The following CHM variants were observed in gnomAD, a reference collection of about 807,000 sequenced individuals.
CHM encodes the protein CHM Rab escort protein.
In CHM, 10 loss-of-function variants were observed where a neutral mutation model predicts 49.0. The observed-to-expected ratio is 0.20, with a 90% CI of 0.13 to 0.35. The LOEUF (loss-of-function observed/expected upper bound fraction) is 0.35. Among genes scored for constraint, CHM ranks in the 10% least tolerant of loss-of-function variants. The probability of loss-of-function intolerance (pLI) is 1.00; values close to 1 mark genes in which losing one functional copy is unlikely to be tolerated. For synonymous variants in CHM, 184 were observed against 167.5 expected (o/e 1.10, Z -0.76); for missense variants, 455 against 478.4 (o/e 0.95, Z 0.46).
At chrX:85,929,524 A>G (rs1928297139) in intron 8 of CHM, among the ~76,000 whole-genome samples, 1 of 111,976 alleles carries the variant, frequency 8.9e-6, no homozygotes, top group Non-Finnish European at 1.9e-5. Context: ...AACATCTTCC[A>G]CAACCAGAGA....
At chrX:85,870,078 GTT>G (rs1351124793) in intron 14 of CHM, among the ~76,000 whole-genome samples, 1 of 111,849 alleles carries the variant, frequency 8.9e-6, no homozygotes, top group African/African-American at 3.3e-5. Context: ...AAAGAGTTGA[GTT>G]TAATTCTTGG....
chrX:85,880,185 T>C (rs1452117205), intron 12 of CHM, among the ~76,000 whole-genome samples: 3 of 111,607 alleles, frequency 2.7e-5, no homozygotes, highest in African/African-American at 9.7e-5. Flanking sequence ...TATGGCCTAA[T>C]AATAGGTCTA....
intron 2 of CHM, among the ~76,000 whole-genome samples, chrX:86,009,545 C>T (rs1242395106): frequency 8.9e-6 from 1 of 112,304 alleles, no homozygotes; most frequent in Non-Finnish European, 1.9e-5. Flanking sequence ...GTTTAATTTT[C>T]ATGGGTCATC....
intron 12 of CHM, among the ~76,000 whole-genome samples, chrX:85,892,662 G>C (rs966716932): frequency 9.0e-6 from 1 of 111,037 alleles, no homozygotes; most frequent in African/African-American, 3.3e-5. Context: ...CACTATAAAA[G>C]GAGAAATGGT....
chrX:86,020,579 C>A (rs1487406515), intron 2 of CHM, among the ~76,000 whole-genome samples: 1 of 104,338 alleles, frequency 9.6e-6, no homozygotes, highest in African/African-American at 3.4e-5. Context: ...ATATATATTA[C>A]AAATATTACT....
intron 9 of CHM, among the ~76,000 whole-genome samples, chrX:85,906,014 C>A (rs751064494): frequency 1.8e-4 from 20 of 111,843 alleles, no homozygotes; most frequent in Admixed American, 1.4e-3. Context: ...CTGTAAGTTC[C>A]TTAGAACAAA....
At chrX:85,892,137 T>C (rs1036003718) in intron 12 of CHM, among the ~76,000 whole-genome samples, 2 of 111,731 alleles carry the variant, frequency 1.8e-5, no homozygotes, top group Admixed American at 1.9e-4. Context: ...TGCTTTTGAT[T>C]TTACAGGCTC....
In CHM at chrX:85,881,950, C is replaced by A. The variant is rs190077417; in HGVS notation, c.1511-2887G>T. On this transcript the variant is annotated intron_variant, in intron 12 of 14. Transcript: ENST00000357749. ...AGAAGCTTATTGCCCTAGAAAGTTTCAAAAAAATTCTATTTCCATTTATTT... is the reference window on the plus strand; with the variant it reads ...AGAAGCTTATTGCCCTAGAAAGTTTAAAAAAAATTCTATTTCCATTTATTT... 7.2e-3 allele frequency among the ~76,000 whole-genome samples: 799 copies of A among 111,620 alleles called. 8 individuals are homozygous for A. Among genetic ancestry groups the A allele is most frequent in the African/African-American group, 0.024 (754 of 30,782 alleles).
chrX:85,965,115 T>A (rs1024699099), intron 4 of CHM, among the ~76,000 whole-genome samples: 3 of 112,363 alleles, frequency 2.7e-5, no homozygotes, highest in African/African-American at 9.7e-5. Flanking sequence ...CAACATGGCA[T>A]CTCTAACTCC....
chrX:85,929,200 C>G (rs1334608036), intron 8 of CHM, among the ~76,000 whole-genome samples: 1 of 111,684 alleles, frequency 9.0e-6, no homozygotes, highest in Non-Finnish European at 1.9e-5. Flanking sequence ...TCCTGATTAA[C>G]TCCCTCACTC....
At chrX:85,977,326 T>C (rs1376544996) in intron 4 of CHM, among the ~76,000 whole-genome samples, 1 of 112,585 alleles carries the variant, frequency 8.9e-6, no homozygotes, top group Admixed American at 9.4e-5. Flanking sequence ...AAGAGGAACA[T>C]ATAACAGAGT....
At chrX:85,911,401 T>A (rs373761513) in intron 8 of CHM, 63 bp from the exon 9 acceptor site, 26 of 550,077 alleles carry the variant, frequency 4.7e-5, no homozygotes, top group East Asian at 1.9e-4. Context: ...GTAAAAGTAT[T>A]TTCTTTTAAG....
chrX:85,896,849 C>T (rs1044062907), intron 11 of CHM, among the ~76,000 whole-genome samples: 32 of 97,319 alleles, frequency 3.3e-4, no homozygotes, highest in Non-Finnish European at 5.4e-4. Context: ...TTATATAATA[C>T]GTATTATATA....
rs769967072 is a variant in CHM at position 85,934,279 on chromosome X, C to CTT, written c.1166+21872_1166+21873dup. On this transcript the variant is annotated intron_variant, in intron 8 of 14. Transcript: ENST00000357749. ...ACAGGCATGAGCCACTGCGCTCAGC[C>CTT]TTTTTTTTTTTTTTTTTTTTTTTTT... 6.3e-4 allele frequency among the ~76,000 whole-genome samples: 45 copies of CTT among 71,235 alleles called. 1 individual carries two copies. Among genetic ancestry groups the CTT allele is most frequent in the African/African-American group, 1.1e-3 (20 of 17,879 alleles). The allele number at this position is 71,235 out of a possible 115,157, so 61.9% of individuals were successfully genotyped here. A position where few individuals can be genotyped will look rare whatever the true frequency, so the allele number is the denominator to read the frequency against.
chrX:85,902,600 A>C (rs1253343329), intron 9 of CHM, among the ~76,000 whole-genome samples: 1 of 111,260 alleles, frequency 9.0e-6, no homozygotes, highest in Non-Finnish European at 1.9e-5. Context: ...ATACCTCCTC[A>C]TATTTCATTG....
At position 85,871,705 on chromosome X, in the gene CHM, C is replaced by G. The variant is rs184825355; in HGVS notation, c.1770+1347G>C. On this transcript the variant is annotated intron_variant, in intron 14 of 14. Transcript: ENST00000357749. ...TATATTCTTGAGAAGCAAATTACCT[C>G]ATGATAAAATTATCCCTCAATTATA... Among the ~76,000 whole-genome samples, 17 of 111,492 alleles carry G rather than the reference C, an allele frequency of 1.5e-4. 1 individual carries two copies. The East Asian group carries it at 3.7e-3, about 24-fold the overall frequency.
intron 14 of CHM, among the ~76,000 whole-genome samples, chrX:85,867,746 C>T (rs997601987): frequency 6.3e-5 from 7 of 111,026 alleles, no homozygotes; most frequent in East Asian, 5.7e-4. Context: ...GAGATTAAGC[C>T]GACATATATG....
chrX:85,900,996 A>C (rs1377452577), intron 10 of CHM, 88 bp downstream of exon 10: 5 of 650,896 alleles, frequency 7.7e-6, no homozygotes, highest in Non-Finnish European at 1.2e-5. Flanking sequence ...TTGGTTTGGC[A>C]TTTATTTGCA....
At position 85,864,795 on chromosome X, in the gene CHM, G is replaced by C; in HGVS notation, c.1797C>G (p.Cys599Trp). Residue 599 changes from cysteine (C) to tryptophan (W), a missense_variant, in exon 15 of 15, where the codon TGC becomes TGG. Physicochemically the swap from Cys to Trp is radical, Grantham distance 215. Coordinates refer to ENST00000357749, the MANE Select transcript of CHM (RefSeq NM_000390.4). ...GAGGGGGACAGAAATCTTCATTGGG[G>C]CAGATTTCCTGGAAAAGTGTTTCAG... ...KQAETLFQEI[C>W]PNEDFCPPPP... 1 of 1,208,474 alleles carries C rather than the reference G, an allele frequency of 8.3e-7. No homozygotes were observed.
Sources: allele counts gnomAD v4.1 joint callset (sites outside exome capture counted in the v4.1 genomes callset), GRCh38; gene constraint gnomAD v4.1.1; transcripts MANE v1.5; gene names NCBI Gene and HGNC (gene_info 2026-07-23, HGNC 2026-07-21).